Variants in TEX11 observed in about 807,000 individuals in gnomAD.
TEX11 encodes testis expressed 11.
A neutral mutation model predicts 84.4 loss-of-function variants in TEX11; 7 were observed. The observed-to-expected ratio is 0.08, with a 90% CI of 0.05 to 0.16. The LOEUF is 0.16. TEX11 is among the 10% of genes least tolerant of loss of function. TEX11 has a pLI of 1.00. For synonymous variants in TEX11, 264 were observed against 222.8 expected (o/e 1.18, Z -1.64); for missense variants, 551 against 660.5 (o/e 0.83, Z 1.82).
chrX:70,610,555 GA>G lies in TEX11; in HGVS notation c.1752-13del, dbSNP rs1461321738. The G allele has an allele frequency of 6.7e-6, 8 of 1,197,833 alleles. No individual in the cohort carries two copies. Among genetic ancestry groups the G allele is most frequent in the Non-Finnish European group, 9.0e-6 (8 of 886,160 alleles). On this transcript the variant is annotated splice_polypyrimidine_tract_variant and intron_variant, in intron 20 of 29. Transcript: ENST00000374333. ...CCATTTCTTTCTTCCTAAAAATAAA[GA>G]AAAGGATATTTTCCAACTGCTCCAA...
intron 7 of TEX11, among the ~76,000 whole-genome samples, chrX:70,836,649 T>TA (rs1206089622): frequency 1.8e-5 from 2 of 111,699 alleles, no homozygotes; most frequent in East Asian, 2.8e-4. Flanking sequence ...ATAGCTACAA[T>TA]AAAAAAATTG....
chrX:70,571,583 T>A (rs1687302233), intron 25 of TEX11, among the ~76,000 whole-genome samples: 1 of 112,212 alleles, frequency 8.9e-6, no homozygotes, highest in Admixed American at 9.5e-5. Flanking sequence ...TCATTTTGAT[T>A]TTTTCTTTGA....
chrX:70,760,225 G>C (rs2090899496), intron 9 of TEX11, among the ~76,000 whole-genome samples: 1 of 111,588 alleles, frequency 9.0e-6, no homozygotes, highest in Non-Finnish European at 1.9e-5. Flanking sequence ...TCCCCATCAA[G>C]CTACCAATGA....
At chrX:70,859,580 CAAAAAAAAAAA>C (rs760041212) in intron 5 of TEX11, among the ~76,000 whole-genome samples, 3 of 35,057 alleles carry the variant, frequency 8.6e-5, no homozygotes, top group Non-Finnish European at 2.1e-4. Flanking sequence ...AGATCCTGTC[CAAAAAAAAAAA>C]AAAAAAAAAA....
chrX:70,779,048 T>C (rs192761876), intron 9 of TEX11, among the ~76,000 whole-genome samples: 1 of 110,789 alleles, frequency 9.0e-6, no homozygotes, highest in African/African-American at 3.3e-5. Context: ...TATATATATG[T>C]ATGTACACAT....
chrX:70,693,063 A>G (rs1340048551), intron 13 of TEX11, among the ~76,000 whole-genome samples: 1 of 111,194 alleles, frequency 9.0e-6, no homozygotes, highest in East Asian at 2.8e-4. Flanking sequence ...TAACATGGTG[A>G]AACCCCGTAT....
intron 13 of TEX11, among the ~76,000 whole-genome samples, chrX:70,716,766 C>T (rs781346567): frequency 8.9e-6 from 1 of 111,947 alleles, no homozygotes; most frequent in South Asian, 3.8e-4. Context: ...AGCTCAGGCT[C>T]AGTGCACTGC....
chrX:70,840,174 T>A (rs901625818), intron 7 of TEX11, among the ~76,000 whole-genome samples: 2 of 111,037 alleles, frequency 1.8e-5, no homozygotes, highest in Non-Finnish European at 3.8e-5. Context: ...AGACACATAA[T>A]TGTCAGATTC....
intron 25 of TEX11, among the ~76,000 whole-genome samples, chrX:70,587,811 C>T (rs745665170): frequency 2.7e-5 from 3 of 112,346 alleles, no homozygotes; most frequent in African/African-American, 9.7e-5. Context: ...TCAATGCCAG[C>T]CCGTGAAAGC....
intron 21 of TEX11, 41 bp downstream of exon 21, chrX:70,610,462 A>G (rs1322594278): frequency 5.2e-6 from 6 of 1,149,127 alleles, no homozygotes; most frequent in Non-Finnish European, 7.1e-6. Flanking sequence ...CAGAGAATAG[A>G]GGCAAGATGA....
At chrX:70,679,828 T>G (rs1320106224) in intron 14 of TEX11, among the ~76,000 whole-genome samples, 1 of 71,113 alleles carries the variant, frequency 1.4e-5, no homozygotes, top group African/African-American at 5.7e-5. Flanking sequence ...GGGAGGGAGG[T>G]GGGAGGGGTC....
intron 4 of TEX11, among the ~76,000 whole-genome samples, chrX:70,865,442 G>A (rs762705964): frequency 9.9e-5 from 11 of 111,166 alleles, no homozygotes; most frequent in Non-Finnish European, 1.3e-4. Flanking sequence ...CACAATAATA[G>A]CGGGAGATTT....
At chrX:70,893,430 C>T (rs2091750043) in intron 2 of TEX11, among the ~76,000 whole-genome samples, 1 of 111,973 alleles carries the variant, frequency 8.9e-6, no homozygotes, top group Non-Finnish European at 1.9e-5. Context: ...CTCAAAACCA[C>T]ACAACTATAT....
intron 20 of TEX11, among the ~76,000 whole-genome samples, chrX:70,621,853 A>C (rs1465840152): frequency 1.8e-5 from 2 of 109,147 alleles, no homozygotes; most frequent in South Asian, 3.9e-4. Context: ...CAGCCAAGCT[A>C]AAGTTGATTT....
At chrX:70,878,640 A>C (rs2061450948) in intron 3 of TEX11, among the ~76,000 whole-genome samples, 1 of 110,798 alleles carries the variant, frequency 9.0e-6, no homozygotes, top group South Asian at 3.8e-4. Context: ...AAAAAAAAAA[A>C]AGTTTAGAGT....
At chrX:70,849,699 A>G (rs761369110) in intron 7 of TEX11, among the ~76,000 whole-genome samples, 4 of 112,180 alleles carry the variant, frequency 3.6e-5, no homozygotes, top group African/African-American at 1.3e-4. Flanking sequence ...TTAGAAATGA[A>G]AAATTAACTT....
chrX:70,752,751 C>T (rs778631214), intron 9 of TEX11, among the ~76,000 whole-genome samples: 8 of 109,973 alleles, frequency 7.3e-5, no homozygotes, highest in East Asian at 2.9e-4. Flanking sequence ...AACCAGAAAT[C>T]AGGTGGAAAC....
At chrX:70,893,968 A>C (rs1260620160) in intron 2 of TEX11, among the ~76,000 whole-genome samples, 1 of 112,026 alleles carries the variant, frequency 8.9e-6, no homozygotes, top group Non-Finnish European at 1.9e-5. Context: ...AAACTAGAAA[A>C]TCTAGAAGAA....
At chrX:70,601,773 C>T (rs1263302315) in intron 24 of TEX11, among the ~76,000 whole-genome samples, 2 of 98,708 alleles carry the variant, frequency 2.0e-5, no homozygotes, top group Non-Finnish European at 4.1e-5. Flanking sequence ...ATCTGTTTAA[C>T]AAAGCACATC....
Sources: allele counts gnomAD v4.1 joint callset (sites outside exome capture counted in the v4.1 genomes callset), GRCh38; gene constraint gnomAD v4.1.1; transcripts MANE v1.5; gene names NCBI Gene and HGNC (gene_info 2026-07-23, HGNC 2026-07-21).